Variants in SQLE observed in about 807,000 individuals in gnomAD.
SQLE encodes squalene monooxygenase.
In SQLE, 29 loss-of-function variants were observed where a neutral mutation model predicts 60.7. The ratio of observed to expected loss-of-function variants is 0.48; its 90% CI spans 0.36 to 0.65. SQLE has a LOEUF of 0.65. Ranked by LOEUF, SQLE falls within the 30% of genes least tolerant of loss-of-function variation. The pLI is 0.00. For missense variants in SQLE, 605 were observed against 684.1 expected (o/e 0.88, Z 1.29); for synonymous variants, 237 against 246.8 (o/e 0.96, Z 0.37).
In SQLE at chr8:125,003,241, T is replaced by G. The variant is rs747984319; in HGVS notation, c.357T>G (p.Ser119=). The change falls in exon 2 of 11, where the codon TCT becomes TCG. Residue 119 remains serine, a synonymous_variant. Transcript: ENST00000265896. The part of the protein sequence containing the change: ...LIGTAACTST[S]SQNDPEVIIV... ...GAACAGCTGCCTGTACATCAACATC[T>G]TCTCAGAATGACCCAGAAGTTATCA... is the stretch of plus-strand genomic sequence containing the variant. 8 of 1,613,858 alleles carry G rather than the reference T, an allele frequency of 5.0e-6. No individual in the cohort carries two copies. The South Asian group carries it at 8.8e-5, about 18-fold the overall frequency.
chr8:125,002,209 A>G (rs925574357), intron 1 of SQLE, among the ~76,000 whole-genome samples: 2 of 152,216 alleles, frequency 1.3e-5, no homozygotes, highest in African/African-American at 2.4e-5. Context: ...AAACAAGTCA[A>G]ATCTAAGAGT....
intron 7 of SQLE, among the ~76,000 whole-genome samples, chr8:125,012,165 G>A (rs1264087972): frequency 2.0e-5 from 3 of 152,224 alleles, no homozygotes; most frequent in Middle Eastern, 3.4e-3. Context: ...TCCTATGGCA[G>A]GAGCATAGGG....
chr8:125,001,856 A>G (rs1225976832), intron 1 of SQLE, among the ~76,000 whole-genome samples: 1 of 152,118 alleles, frequency 6.6e-6, no homozygotes, highest in Admixed American at 6.5e-5. Context: ...ATTAAGGTCA[A>G]AGAACTCAAG....
At chr8:125,006,613 T>G (rs1814951440) in intron 3 of SQLE, among the ~76,000 whole-genome samples, 1 of 134,538 alleles carries the variant, frequency 7.4e-6, no homozygotes, top group Non-Finnish European at 1.6e-5. Context: ...AGAGCGAGAC[T>G]TGGTCTCAAA....
At chr8:125,000,512 C>T (rs1814826843) in intron 1 of SQLE, among the ~76,000 whole-genome samples, 1 of 152,176 alleles carries the variant, frequency 6.6e-6, no homozygotes, top group Admixed American at 6.5e-5. Flanking sequence ...GGCGTGATCT[C>T]GGCTCACTGC....
Position 125,007,513 on chromosome 8 carries a change from TC to T in SQLE, c.822+28del, listed in dbSNP as rs201939973. 2.1e-3 allele frequency: 3,085 copies of T among 1,452,368 alleles called. 45 individuals are homozygous for T. In the African/African-American group the frequency reaches 0.037, roughly 18 times the overall value. The allele number at this position is 1,452,368 out of a possible 1,614,324, so 90.0% of individuals were successfully genotyped here. A position where few individuals can be genotyped will look rare whatever the true frequency, so the allele number is the denominator to read the frequency against. On this transcript the variant is annotated intron_variant, in intron 4 of 10. Transcript: ENST00000265896. Reference sequence around the variant, plus strand: ...GTGAGAAATACCAAATGTCACCTCTTCCTAAGAGATGTTGTTTTTCCTGCTT... The same window carrying T: ...GTGAGAAATACCAAATGTCACCTCTTCTAAGAGATGTTGTTTTTCCTGCTT...
chr8:125,005,847 CAA>C (rs982792496), intron 3 of SQLE, 142 bp downstream of exon 3: 55 of 584,618 alleles, frequency 9.4e-5, no homozygotes, highest in African/African-American at 9.4e-4. Context: ...AACTGTCAGT[CAA>C]AAGAGTGTTA....
In SQLE at chr8:125,006,968, T is replaced by G. The variant is rs147966261; in HGVS notation, c.726-423T>G. ...TCCGCCCACCTTGGCCTCCCAAAGT[T>G]CTGGGATTACAGGTGTGAGCCACCG... On this transcript the variant is annotated intron_variant, in intron 3 of 10. Coordinates refer to ENST00000265896, the MANE Select transcript of SQLE (RefSeq NM_003129.4). Among the ~76,000 whole-genome samples the G allele has an allele frequency of 1.8e-3, 281 of 152,176 alleles. 1 individual carries two copies. Among genetic ancestry groups the G allele is most frequent in the East Asian group, 0.012 (60 of 5,134 alleles).
Position 125,021,915 on chromosome 8 carries a change from T to G in SQLE, c.1695T>G (p.Ile565Met), listed in dbSNP as rs184542863. 1.7e-4 allele frequency: 273 copies of G among 1,606,098 alleles called. 4 individuals are homozygous for G. In the Admixed American group the frequency reaches 4.6e-3, roughly 27 times the overall value. Residue 565 changes from isoleucine to methionine, a missense_variant, in exon 11 of 11, where the codon ATT (isoleucine) becomes ATG (methionine). Coordinates refer to ENST00000265896, the MANE Select transcript of SQLE (RefSeq NM_003129.4). Reference protein sequence around the residue: ...YKACSVIFPLIYSEMKYMVH With the variant: ...YKACSVIFPLMYSEMKYMVH Reference sequence around the variant, plus strand: ...CGTGTTCTGTAATATTTCCTCTAATTTACTCAGAAATGAAGTATATGGTTC... The same window carrying G: ...CGTGTTCTGTAATATTTCCTCTAATGTACTCAGAAATGAAGTATATGGTTC...
chr8:125,013,013 T>C (rs1052073622), intron 7 of SQLE, among the ~76,000 whole-genome samples: 2 of 152,240 alleles, frequency 1.3e-5, no homozygotes, highest in African/African-American at 4.8e-5. Flanking sequence ...ATAATGATGT[T>C]GAACATCTTT....
At chr8:125,014,574 T>G (rs897071533) in intron 7 of SQLE, among the ~76,000 whole-genome samples, 3 of 152,224 alleles carry the variant, frequency 2.0e-5, no homozygotes, top group African/African-American at 7.2e-5. Flanking sequence ...GTATTGCTTT[T>G]GCTGTGTCTC....
chr8:125,016,815 G>A lies in SQLE; in HGVS notation c.1205-1244G>A, dbSNP rs941399995. On this transcript the variant is annotated intron_variant, in intron 7 of 10. Transcript: ENST00000265896. The surrounding 1 kb of genome is among the most constrained non-coding windows in gnomAD (Gnocchi z 4.1). ...ATCTAAGTCTTTGGTCATAGCAGCC[G>A]TATCTGTATTAAGGGGCACCCCAAG... Among the ~76,000 whole-genome samples the A allele has an allele frequency of 2.4e-4, 36 of 152,286 alleles. No homozygotes were observed. Among genetic ancestry groups the A allele is most frequent in the Admixed American group, 2.1e-3 (32 of 15,306 alleles).
rs1814971807 is a variant in SQLE, at chr8:125,007,495, A to G, written c.822+8A>G. On this transcript the variant is annotated splice_region_variant and intron_variant, in intron 4 of 10. Transcript: ENST00000265896. ...GAGACTGGAGATATCAAGGTGAGAA[A>G]TACCAAATGTCACCTCTTCCTAAGA... 3 of 1,512,200 alleles carry G rather than the reference A, an allele frequency of 2.0e-6. No homozygotes were observed. The South Asian group carries it at 3.8e-5, about 19-fold the overall frequency. The allele number at this position is 1,512,200 out of a possible 1,614,324, so 93.7% of individuals were successfully genotyped here. A position where few individuals can be genotyped will look rare whatever the true frequency, so the allele number is the denominator to read the frequency against.
At position 125,018,875 on chromosome 8, in the gene SQLE, T is replaced by A. The variant is rs1815153563; in HGVS notation, c.1444+148T>A. 3 of 610,138 alleles carry A rather than the reference T, an allele frequency of 4.9e-6. No individual in the cohort carries two copies. The East Asian group carries it at 9.0e-5, about 18-fold the overall frequency. The allele number at this position is 610,138 out of a possible 1,614,324, so 37.8% of individuals were successfully genotyped here. On this transcript the variant is annotated intron_variant, in intron 9 of 10. Coordinates refer to ENST00000265896, the MANE Select transcript of SQLE (RefSeq NM_003129.4). ...TTGGTAGTTTTTTAAAATTCCATTT[T>A]GAGCAATAGTTGTAGTTTTAGTTTT...
Position 125,011,591 on chromosome 8 carries a change from T to G in SQLE, c.1163T>G (p.Met388Arg). 6.3e-7 allele frequency: 1 copy of G among 1,586,778 alleles called. No individual in the cohort carries two copies. The highest frequency in any genetic ancestry group is 1.8e-5 in the Admixed American group (1 of 56,170). The change falls in exon 7 of 11, where the codon ATG becomes AGG. Residue 388 changes from methionine to arginine, a missense_variant. Met to Arg is a moderately conservative substitution (Grantham distance 91). Coordinates refer to ENST00000265896, the MANE Select transcript of SQLE (RefSeq NM_003129.4). ...EATDNSHLRS[M>R]PASFLPPSSV... ...ACTGACAATTCTCATCTGAGGTCCA[T>G]GCCAGCAAGCTTCCTTCCTCCTTCA...
chr8:125,004,954 C>T lies in SQLE; in HGVS notation c.545-571C>T, dbSNP rs572733411. Among the ~76,000 whole-genome samples the T allele has an allele frequency of 2.0e-5, 3 of 152,178 alleles. No individual in the cohort carries two copies. In the East Asian group the frequency reaches 5.8e-4, roughly 29 times the overall value. On this transcript the variant is annotated intron_variant, in intron 2 of 10. Transcript: ENST00000265896. Reference sequence around the variant, plus strand: ...GCTGCCATTTAAATTATTTGATGTACTAAAAAGTTCTTTGCAGTTTGTCCT... The same window carrying T: ...GCTGCCATTTAAATTATTTGATGTATTAAAAAGTTCTTTGCAGTTTGTCCT...
chr8:125,008,009 AGATAAAAT>A (rs1227103471), intron 4 of SQLE, among the ~76,000 whole-genome samples: 1 of 152,266 alleles, frequency 6.6e-6, no homozygotes, highest in Non-Finnish European at 1.5e-5. Flanking sequence ...GAAATGATTC[AGATAAAAT>A]GAGCAATTTA....
At chr8:125,019,015 C>T (rs1418615956) in intron 9 of SQLE, 1 of 276,714 alleles carries the variant, frequency 3.6e-6, no homozygotes, top group African/African-American at 2.3e-5. Context: ...CTCACACACA[C>T]AAGACTGTGA....
chr8:124,999,273 T>TG lies in SQLE; in HGVS notation c.-128dup, dbSNP rs1814800745. The TG allele has an allele frequency of 2.3e-6, 2 of 851,714 alleles. No homozygotes were observed. Among genetic ancestry groups the TG allele is most frequent in the African/African-American group, 3.5e-5 (2 of 56,638 alleles). The allele number at this position is 851,714 out of a possible 1,614,324, so 52.8% of individuals were successfully genotyped here. ...ACTGGTCTGATCGGACTTCTCGTCCTGGGACACTGTTTACTGGAGTCTGGC... is the reference window on the plus strand; with the variant it reads ...ACTGGTCTGATCGGACTTCTCGTCCTGGGGACACTGTTTACTGGAGTCTGGC... On this transcript the variant is annotated 5_prime_UTR_variant, in exon 1 of 11. It removes the in-frame stop codon of an upstream open reading frame in the 5' UTR. Coordinates refer to ENST00000265896, the MANE Select transcript of SQLE (RefSeq NM_003129.4).
Sources: allele counts gnomAD v4.1 joint callset (sites outside exome capture counted in the v4.1 genomes callset), GRCh38; gene constraint gnomAD v4.1.1; non-coding constraint Gnocchi (gnomAD v3.1); transcripts MANE v1.5; gene names NCBI Gene and HGNC (gene_info 2026-07-23, HGNC 2026-07-21).